Variants in DNER observed in about 807,000 individuals in gnomAD.
DNER encodes delta/notch like EGF repeat containing, also known as delta and Notch-like epidermal growth factor-related receptor.
Under a neutral mutation model 78.2 loss-of-function variants are expected in DNER, and 33 were observed. The ratio of observed to expected loss-of-function variants is 0.42; its 90% CI spans 0.32 to 0.56. The LOEUF (loss-of-function observed/expected upper bound fraction) is 0.56. Among genes scored for constraint, DNER ranks in the 20% least tolerant of loss-of-function variants. The pLI, the probability that DNER is intolerant of heterozygous loss-of-function variation, is 0.11. For synonymous variants in DNER, 417 were observed against 384.8 expected (o/e 1.08, Z -0.98); for missense variants, 918 against 975.3 (o/e 0.94, Z 0.78).
At chr2:229,678,366 A>G (rs1699331134) in intron 1 of DNER, among the ~76,000 whole-genome samples, 1 of 152,222 alleles carries the variant, frequency 6.6e-6, no homozygotes, top group Non-Finnish European at 1.5e-5. Flanking sequence ...CAGAGAACCC[A>G]TGCATCATGA....
chr2:229,452,064 G>A (rs898160664), intron 7 of DNER, among the ~76,000 whole-genome samples: 49 of 152,242 alleles, frequency 3.2e-4, no homozygotes, highest in African/African-American at 9.1e-4. Flanking sequence ...GCCAGGTCAC[G>A]ACTGGTCTTA....
chr2:229,407,419 G>A lies in DNER; in HGVS notation c.1610-74C>T, dbSNP rs1192896027. On this transcript the variant is annotated intron_variant, in intron 9 of 12. Coordinates refer to ENST00000341772, the MANE Select transcript of DNER (RefSeq NM_139072.4). ...TCCCATGGCCTCTGAAAGCAAAGTC[G>A]GAACTCTCTGGAACAATGCGAGGGA... 8.6e-6 allele frequency: 11 copies of A among 1,278,492 alleles called. 1 individual carries two copies. Among genetic ancestry groups the A allele is most frequent in the South Asian group, 3.7e-5 (3 of 80,124 alleles). The allele number at this position is 1,278,492 out of a possible 1,614,324, so 79.2% of individuals were successfully genotyped here. A position where few individuals can be genotyped will look rare whatever the true frequency, so the allele number is the denominator to read the frequency against.
rs1214258442 is a variant in DNER at position 229,585,929 on chromosome 2, G to C, written c.776C>G (p.Thr259Ser). 6.2e-7 allele frequency: 1 copy of C among 1,613,952 alleles called. No individual in the cohort carries two copies. Among genetic ancestry groups the C allele is most frequent in the African/African-American group, 1.3e-5 (1 of 74,886 alleles). ...QCSLIDGRSVTPLQASGGLVL... is the reference protein window; with the variant it reads ...QCSLIDGRSVSPLQASGGLVL... ...CAGTCCCCCTGAAGCCTGAAGGGGG[G>C]TCACACTTCGTCCATCTATGAGGGA... Residue 259 changes from threonine (T) to serine (S), a missense_variant, in exon 4 of 13, where the codon ACC (threonine) becomes AGC (serine). Physicochemically the swap from Thr to Ser is moderately conservative, Grantham distance 58 (BLOSUM62 1). Coordinates refer to ENST00000341772, the MANE Select transcript of DNER (RefSeq NM_139072.4).
chr2:229,640,798 G>C (rs1465308907), intron 1 of DNER, among the ~76,000 whole-genome samples: 1 of 152,196 alleles, frequency 6.6e-6, no homozygotes, highest in Non-Finnish European at 1.5e-5. Context: ...AGCAGCATCA[G>C]TGTCATGGAT....
chr2:229,423,388 G>GT (rs1223086832), intron 8 of DNER, among the ~76,000 whole-genome samples: 1 of 152,082 alleles, frequency 6.6e-6, no homozygotes, highest in Non-Finnish European at 1.5e-5. Flanking sequence ...GCTGAGGCAG[G>GT]TGGATCACTT....
chr2:229,366,816 T>C, intron 12 of DNER, 57 bp downstream of exon 12: 1 of 1,606,060 alleles, frequency 6.2e-7, no homozygotes, highest in Non-Finnish European at 8.5e-7. Flanking sequence ...AATATGACCC[T>C]GTTCCCAAGA....
At chr2:229,414,992 G>T (rs969404923) in intron 9 of DNER, among the ~76,000 whole-genome samples, 1 of 152,078 alleles carries the variant, frequency 6.6e-6, no homozygotes, top group African/African-American at 2.4e-5. Context: ...GAGAAACTTT[G>T]TCTCTACTAA....
intron 1 of DNER, among the ~76,000 whole-genome samples, chr2:229,605,897 C>T (rs1013590774): frequency 2.0e-5 from 3 of 152,186 alleles, no homozygotes; most frequent in East Asian, 1.9e-4. Flanking sequence ...GTCTCAAAAA[C>T]AAAGATCATA....
At chr2:229,697,932 G>A (rs1260485991) in intron 1 of DNER, among the ~76,000 whole-genome samples, 1 of 152,216 alleles carries the variant, frequency 6.6e-6, no homozygotes, top group Non-Finnish European at 1.5e-5. Flanking sequence ...GTTCACGCCT[G>A]TAATCCTAAC....
rs1271194056 is a variant in DNER, at chr2:229,366,931, T to C, written c.2044A>G (p.Asn682Asp). The C allele has an allele frequency of 3.1e-6, 5 of 1,614,188 alleles. No homozygotes were observed. Among genetic ancestry groups the C allele is most frequent in the South Asian group, 1.1e-5 (1 of 91,082 alleles). Residue 682 changes from asparagine (N) to aspartate (D), a missense_variant, in exon 12 of 13, where the codon AAC (asparagine) becomes GAC (aspartate). Coordinates refer to ENST00000341772, the MANE Select transcript of DNER (RefSeq NM_139072.4). ...SSRPAYEEFY[N>D]CRSIDSEFSN... ...AACTCGCTGTCGATGCTGCGGCAGT[T>C]GTAGAACTCCTCATAGGCTGGCCTG...
intron 1 of DNER, among the ~76,000 whole-genome samples, chr2:229,603,905 G>T (rs557467208): frequency 9.2e-5 from 14 of 152,208 alleles, no homozygotes; most frequent in Middle Eastern, 3.4e-3. Context: ...AAACTAACTT[G>T]CCTCTACCCA....
chr2:229,546,826 C>T lies in DNER; in HGVS notation c.993+121G>A, dbSNP rs138946990. 3,360 of 1,387,946 alleles carry T rather than the reference C, an allele frequency of 2.4e-3. 65 individuals carry two copies. The African/African-American group carries it at 0.036, about 15-fold the overall frequency. 86.0% of individuals were successfully genotyped at this position (1,387,946 alleles called of 1,614,324 possible). A position where few individuals can be genotyped will look rare whatever the true frequency, so the allele number is the denominator to read the frequency against. ...ATAGACAGACAGACAGACAGACAGACAGACAGATAGATAGATAGAGCAAGG... is the reference window on the plus strand; with the variant it reads ...ATAGACAGACAGACAGACAGACAGATAGACAGATAGATAGATAGAGCAAGG... On this transcript the variant is annotated intron_variant, in intron 5 of 12. Transcript: ENST00000341772.
intron 9 of DNER, among the ~76,000 whole-genome samples, chr2:229,412,343 A>G (rs1484001140): frequency 1.3e-5 from 2 of 152,202 alleles, no homozygotes; most frequent in Non-Finnish European, 2.9e-5. Context: ...TACTTAATTC[A>G]TGTGTTAAAC....
chr2:229,572,545 AAAAC>A (rs750877220), intron 4 of DNER, among the ~76,000 whole-genome samples: 43 of 152,200 alleles, frequency 2.8e-4, no homozygotes, highest in Non-Finnish European at 5.9e-4. Context: ...AGAAGAACTA[AAAAC>A]AAACAGAGAG....
At chr2:229,367,505 G>A (rs1692378011) in intron 11 of DNER, among the ~76,000 whole-genome samples, 1 of 152,120 alleles carries the variant, frequency 6.6e-6, no homozygotes, top group Non-Finnish European at 1.5e-5. Flanking sequence ...GGAGGCTGAG[G>A]CAGTAGAATC....
chr2:229,512,730 T>C, intron 6 of DNER, 53 bp downstream of exon 6: 2 of 1,583,120 alleles, frequency 1.3e-6, no homozygotes, highest in Non-Finnish European at 1.7e-6. Context: ...AAACAAGAGG[T>C]GCATGCTGTA....
chr2:229,358,860 C>T (rs1302108494), intron 12 of DNER, among the ~76,000 whole-genome samples: 1 of 152,166 alleles, frequency 6.6e-6, no homozygotes, highest in Admixed American at 6.5e-5. Context: ...AAACATATTT[C>T]ACAAAATGTA....
At chr2:229,441,112 C>T (rs1190791059) in intron 8 of DNER, among the ~76,000 whole-genome samples, 1 of 152,178 alleles carries the variant, frequency 6.6e-6, no homozygotes, top group Non-Finnish European at 1.5e-5. Flanking sequence ...CTACCTATTG[C>T]TGCATCTAAT....
intron 1 of DNER, among the ~76,000 whole-genome samples, chr2:229,669,778 T>C (rs1559202705): frequency 6.6e-6 from 1 of 152,156 alleles, no homozygotes; most frequent in Non-Finnish European, 1.5e-5. Context: ...ACATTCTTAC[T>C]ACAACACAAG....
Sources: allele counts gnomAD v4.1 joint callset (sites outside exome capture counted in the v4.1 genomes callset), GRCh38; gene constraint gnomAD v4.1.1; transcripts MANE v1.5; gene names NCBI Gene and HGNC (gene_info 2026-07-23, HGNC 2026-07-21).